The following SEMA6D variants were observed in gnomAD, a reference collection of about 807,000 sequenced individuals.
SEMA6D encodes the protein semaphorin-6D.
In SEMA6D, 35 loss-of-function variants were observed where a neutral mutation model predicts 106.6. That is an observed-to-expected ratio of 0.33 (90% CI 0.25 to 0.44). The LOEUF (loss-of-function observed/expected upper bound fraction) is 0.44, where lower values mean the gene tolerates loss of function less well. Ranked by LOEUF, SEMA6D falls within the 20% of genes least tolerant of loss-of-function variation. SEMA6D has a pLI of 1.00. For missense variants in SEMA6D, 1,185 were observed against 1,345.9 expected (o/e 0.88, Z 1.87); for synonymous variants, 499 against 487.7 (o/e 1.02, Z -0.31).
intron 1 of SEMA6D, among the ~76,000 whole-genome samples, chr15:47,273,963 G>C (rs75215260): frequency 0.018 from 2,699 of 152,100 alleles, 91 homozygotes; most frequent in African/African-American, 0.063. Flanking sequence ...ACATCTCTTT[G>C]GTATGGGAGA....
At chr15:47,441,537 A>C (rs954259988) in intron 2 of SEMA6D, among the ~76,000 whole-genome samples, 4 of 152,108 alleles carry the variant, frequency 2.6e-5, no homozygotes. Flanking sequence ...TGTCTTCTAA[A>C]TGTTTACAGG....
chr15:47,435,926 T>A (rs1246425722), intron 2 of SEMA6D, among the ~76,000 whole-genome samples: 1 of 152,054 alleles, frequency 6.6e-6, no homozygotes, highest in Non-Finnish European at 1.5e-5. Context: ...TGCTTTGGAC[T>A]ATGGGCTGTG....
At chr15:47,185,372 T>G (rs181935381) in intron 1 of SEMA6D, among the ~76,000 whole-genome samples, 3 of 152,284 alleles carry the variant, frequency 2.0e-5, no homozygotes, top group Admixed American at 2.0e-4. Context: ...GGGCACGGTA[T>G]TTCCCCCATT....
intron 3 of SEMA6D, among the ~76,000 whole-genome samples, chr15:47,533,084 C>A (rs1234436645): frequency 2.0e-5 from 3 of 152,136 alleles, no homozygotes; most frequent in Non-Finnish European, 2.9e-5. Flanking sequence ...TAAGTGCCAC[C>A]ACTGATAATC....
intron 2 of SEMA6D, among the ~76,000 whole-genome samples, chr15:47,436,719 C>G (rs1477122091): frequency 3.4e-5 from 5 of 147,208 alleles, no homozygotes; most frequent in African/African-American, 1.2e-4. Context: ...TCCCTTGAGG[C>G]CAGGAGTTTG....
At chr15:47,706,963 T>C (rs1224657) in intron 4 of SEMA6D, among the ~76,000 whole-genome samples, 138,469 of 152,304 alleles carry the variant, frequency 0.91, 63,490 homozygotes, top group Non-Finnish European at 0.95. Context: ...CTTTCCTTTT[T>C]GAAATAAAAT....
intron 3 of SEMA6D, among the ~76,000 whole-genome samples, chr15:47,524,924 G>C (rs2044703345): frequency 6.6e-6 from 1 of 152,172 alleles, no homozygotes. Flanking sequence ...GACAAAAAAA[G>C]GGTTCCTTCA....
At chr15:47,579,599 G>C (rs1275892526) in intron 3 of SEMA6D, among the ~76,000 whole-genome samples, 1 of 152,066 alleles carries the variant, frequency 6.6e-6, no homozygotes, top group African/African-American at 2.4e-5. Context: ...GCATCATTTT[G>C]CTTGTATTAA....
At chr15:47,286,858 T>C (rs528959959) in intron 1 of SEMA6D, among the ~76,000 whole-genome samples, 114 of 152,316 alleles carry the variant, frequency 7.5e-4, no homozygotes, top group Non-Finnish European at 1.5e-3. Flanking sequence ...TTAAAGTGGC[T>C]GATACCCTAT....
chr15:47,764,156 G>A lies in SEMA6D; in HGVS notation c.966-18G>A. The A allele has an allele frequency of 6.2e-7, 1 of 1,612,982 alleles. No homozygotes were observed. Among genetic ancestry groups the A allele is most frequent in the South Asian group, 1.1e-5 (1 of 90,950 alleles). ...TTCATGTCGCCAGCCTCTTCCTGAT[G>A]ATTTTCTTCCTTTTCAGCATCCCTG... On this transcript the variant is annotated intron_variant, in intron 10 of 18. Transcript: ENST00000536845.
intron 4 of SEMA6D, among the ~76,000 whole-genome samples, chr15:47,689,806 C>T (rs2078546333): frequency 6.6e-6 from 1 of 152,180 alleles, no homozygotes; most frequent in South Asian, 2.1e-4. Flanking sequence ...CATGTCTCTC[C>T]GCAGAGGACT....
At chr15:47,707,289 G>T (rs1295518237) in intron 4 of SEMA6D, among the ~76,000 whole-genome samples, 1 of 152,170 alleles carries the variant, frequency 6.6e-6, no homozygotes, top group Non-Finnish European at 1.5e-5. Flanking sequence ...TTTACATGGA[G>T]TGGTAATGGT....
chr15:47,670,118 G>C (rs1220404347), intron 4 of SEMA6D, among the ~76,000 whole-genome samples: 1 of 152,108 alleles, frequency 6.6e-6, no homozygotes, highest in African/African-American at 2.4e-5. Flanking sequence ...AAGCATTTCT[G>C]GAGCATCACT....
intron 3 of SEMA6D, among the ~76,000 whole-genome samples, chr15:47,531,565 A>C (rs939669908): frequency 6.6e-6 from 1 of 152,246 alleles, no homozygotes; most frequent in Non-Finnish European, 1.5e-5. Context: ...ATTTGTGATG[A>C]TCTCCTTTTT....
exon 1 of SEMA6D, chr15:47,184,192 G>A (rs1008209677): frequency 6.5e-6 from 1 of 152,824 alleles, no homozygotes; most frequent in Non-Finnish European, 1.5e-5. Context: ...CCGGAGAAGA[G>A]AGCAGAGAGA....
rs189340741 is a variant in SEMA6D at position 47,553,143 on chromosome 15, A to G, written c.-86-47722A>G. 4.6e-5 allele frequency among the ~76,000 whole-genome samples: 7 copies of G among 151,364 alleles called. 1 individual carries two copies. The highest frequency in any genetic ancestry group is 2.0e-4 in the Admixed American group (3 of 15,062). On this transcript the variant is annotated intron_variant, in intron 3 of 19. Transcript: ENST00000558014. ...GGTCTCAAACTCCCAACTTCAGGCA[A>G]TCCGCCCATCTTGACCTCCAAAAGT... is the stretch of plus-strand genomic sequence containing the variant.
rs368659289 is a variant in SEMA6D, at chr15:47,765,087, C to T, written c.1427+31C>T. 61 of 1,601,578 alleles carry T rather than the reference C, an allele frequency of 3.8e-5. No individual in the cohort carries two copies. In the African/African-American group the frequency reaches 6.7e-4, roughly 18 times the overall value. Reference sequence around the variant, plus strand: ...TATATGTTACGAGAACGCCCTTCAGCACTGCTCAAAAATTTTCGGCATGTA... The same window carrying T: ...TATATGTTACGAGAACGCCCTTCAGTACTGCTCAAAAATTTTCGGCATGTA... On this transcript the variant is annotated intron_variant, in intron 13 of 18. Coordinates refer to ENST00000536845, the MANE Select transcript of SEMA6D (RefSeq NM_001358351.3).
chr15:47,591,138 A>G (rs1022676999), intron 3 of SEMA6D, among the ~76,000 whole-genome samples: 1 of 152,198 alleles, frequency 6.6e-6, no homozygotes, highest in Admixed American at 6.5e-5. Flanking sequence ...TGCTTCATAA[A>G]TGGCACTTTG....
At chr15:47,634,358 A>G (rs2077343569) in intron 4 of SEMA6D, among the ~76,000 whole-genome samples, 2 of 152,124 alleles carry the variant, frequency 1.3e-5, no homozygotes, top group African/African-American at 4.8e-5. Flanking sequence ...GTAGAAGGTC[A>G]CTTTCCCGAT....
Sources: allele counts gnomAD v4.1 joint callset (sites outside exome capture counted in the v4.1 genomes callset), GRCh38; gene constraint gnomAD v4.1.1; transcripts MANE v1.5; gene names NCBI Gene and HGNC (gene_info 2026-07-23, HGNC 2026-07-21).